INPP5D: variants seen among roughly 807,000 people sequenced by gnomAD.
INPP5D encodes inositol polyphosphate-5-phosphatase D.
INPP5D carries 33 observed loss-of-function variants against 122.9 expected under a neutral mutation model. The ratio of observed to expected loss-of-function variants is 0.27; its 90% CI spans 0.20 to 0.36. The LOEUF (loss-of-function observed/expected upper bound fraction) is 0.36. Ranked by LOEUF, INPP5D falls within the 10% of genes least tolerant of loss-of-function variation. The probability of loss-of-function intolerance (pLI) is 1.00; values close to 1 mark genes in which losing one functional copy is unlikely to be tolerated. For missense variants in INPP5D, 1,053 were observed against 1,412.7 expected (o/e 0.75, Z 4.08); for synonymous variants, 584 against 576.2 (o/e 1.01, Z -0.19).
intron 2 of INPP5D, among the ~76,000 whole-genome samples, chr2:233,086,181 C>CTTTCTTTCTTTT (rs1691841493): frequency 7.2e-6 from 1 of 138,786 alleles, no homozygotes; most frequent in Admixed American, 7.2e-5. Flanking sequence ...TTCTTTCTTT[C>CTTTCTTTCTTTT]TTTCTTTCCT....
intron 2 of INPP5D, among the ~76,000 whole-genome samples, chr2:233,095,643 A>G (rs1478928977): frequency 4.9e-4 from 70 of 143,928 alleles, no homozygotes; most frequent in African/African-American, 1.7e-3. Context: ...AAAAAAAAAA[A>G]CAACTCCTGG....
In INPP5D at chr2:233,204,370, C is replaced by T. The variant is rs773653216; in HGVS notation, c.3220C>T (p.Pro1074Ser). 2 of 1,610,212 alleles carry T rather than the reference C, an allele frequency of 1.2e-6. No homozygotes were observed. The highest frequency in any genetic ancestry group is 1.3e-5 in the African/African-American group (1 of 74,976). The change falls in exon 26 of 27, where the codon CCC becomes TCC. Residue 1074 changes from proline to serine, a missense_variant. Pro to Ser is a moderately conservative substitution (Grantham distance 74). Transcript: ENST00000445964. Reference protein sequence around the residue: ...KAQEADRGEGPGKQVPAPRLR... With the variant: ...KAQEADRGEGSGKQVPAPRLR... ...CCAGGAGGCTGATCGCGGCGAGGGG[C>T]CCGGCAAGCAGGTGCCCGCGCCCCG... is the stretch of plus-strand genomic sequence containing the variant.
At position 233,065,307 on chromosome 2, in the gene INPP5D, G is replaced by GTTT. The variant is rs376982879; in HGVS notation, c.134+4713_134+4715dup. 1.1e-3 allele frequency among the ~76,000 whole-genome samples: 134 copies of GTTT among 116,928 alleles called. 7 individuals carry two copies. The highest frequency in any genetic ancestry group is 1.3e-3 in the Non-Finnish European group (77 of 60,184). The allele number at this position is 116,928 out of a possible 152,430, so 76.7% of individuals were successfully genotyped here. ...CATGAACACAATCAGCACTTCTTGG[G>GTTT]TTTTTTTTTTTTTTTTTTTTGACAG... is the stretch of plus-strand genomic sequence containing the variant. On this transcript the variant is annotated intron_variant, in intron 1 of 26. Coordinates refer to ENST00000445964, the MANE Select transcript of INPP5D (RefSeq NM_001017915.3).
intron 2 of INPP5D, among the ~76,000 whole-genome samples, chr2:233,087,797 C>T (rs1691891426): frequency 6.6e-6 from 1 of 152,158 alleles, no homozygotes; most frequent in African/African-American, 2.4e-5. Flanking sequence ...TGATTTATCT[C>T]ACCCTTGCTG....
chr2:233,098,836 C>T (rs751957254), intron 2 of INPP5D, among the ~76,000 whole-genome samples: 2 of 152,300 alleles, frequency 1.3e-5, no homozygotes, highest in East Asian at 1.9e-4. Flanking sequence ...CACCAGGGGG[C>T]GCCCATTCAG....
At position 233,164,136 on chromosome 2, in the gene INPP5D, T is replaced by C. The variant is rs897841519; in HGVS notation, c.1438-171T>C. Among the ~76,000 whole-genome samples the C allele has an allele frequency of 1.3e-5, 2 of 152,184 alleles. No individual in the cohort carries two copies. Among genetic ancestry groups the C allele is most frequent in the East Asian group, 1.9e-4 (1 of 5,186 alleles). ...CTTGGTCAGCCCCGGTTCTCATCTT[T>C]AGGATGTTTTGTCTCGCCTATCAAG... On this transcript the variant is annotated intron_variant, in intron 12 of 26. Transcript: ENST00000445964. This position sits in a 1 kb window ranked among gnomAD's most constrained non-coding sequence, Gnocchi z 4.3.
At chr2:233,097,363 T>C (rs1692174220) in intron 2 of INPP5D, among the ~76,000 whole-genome samples, 1 of 152,254 alleles carries the variant, frequency 6.6e-6, no homozygotes, top group South Asian at 2.1e-4. Flanking sequence ...TCAAGTTCTC[T>C]GAAAAAATCC....
chr2:233,112,714 T>C (rs1343528427), intron 2 of INPP5D, among the ~76,000 whole-genome samples: 2 of 152,164 alleles, frequency 1.3e-5, no homozygotes, highest in African/African-American at 2.4e-5. Flanking sequence ...CTCTGTTGCC[T>C]AGGCTGGAGT....
At chr2:233,204,813 T>A in intron 26 of INPP5D, 96 bp downstream of exon 26, 1 of 1,405,422 alleles carries the variant, frequency 7.1e-7, no homozygotes, top group South Asian at 1.5e-5. Flanking sequence ...TGCATGTGTG[T>A]GTGCACGCAT....
intron 2 of INPP5D, among the ~76,000 whole-genome samples, chr2:233,121,751 C>A (rs1450173510): frequency 1.3e-5 from 2 of 151,996 alleles, no homozygotes; most frequent in Non-Finnish European, 2.9e-5. Flanking sequence ...GTCTCAAACT[C>A]CTGACCTCAG....
At chr2:233,070,688 G>T (rs976636098) in intron 1 of INPP5D, among the ~76,000 whole-genome samples, 1 of 151,974 alleles carries the variant, frequency 6.6e-6, no homozygotes, top group Non-Finnish European at 1.5e-5. Context: ...TGGTCCGCTC[G>T]CCTCGGCCTC....
chr2:233,204,036 C>T (rs1383729793), intron 25 of INPP5D, 90 bp from the exon 26 acceptor site: 2 of 1,430,740 alleles, frequency 1.4e-6, no homozygotes, highest in Non-Finnish European at 1.8e-6. Context: ...TTTGTATCAC[C>T]CCAAAGAAAG....
rs112010999 is a variant in INPP5D, at chr2:233,095,628, A to C, written c.198+16230A>C. Among the ~76,000 whole-genome samples, 18 of 14,868 alleles carry C rather than the reference A, an allele frequency of 1.2e-3. 1 individual carries two copies. The highest frequency in any genetic ancestry group is 3.5e-3 in the African/African-American group (13 of 3,714). The allele number at this position is 14,868 out of a possible 152,430, so 9.8% of individuals were successfully genotyped here. A position where few individuals can be genotyped will look rare whatever the true frequency, so the allele number is the denominator to read the frequency against. On this transcript the variant is annotated intron_variant, in intron 2 of 26. Transcript: ENST00000445964. Reference sequence around the variant, plus strand: ...TTGAAACTGTCTCAAAAAAAAAAAAAAAAAAAAAAAAAAAACAACTCCTGG... The same window carrying C: ...TTGAAACTGTCTCAAAAAAAAAAAACAAAAAAAAAAAAAAACAACTCCTGG...
intron 17 of INPP5D, among the ~76,000 whole-genome samples, chr2:233,176,276 G>T (rs13420200): frequency 0.024 from 3,562 of 147,120 alleles, 58 homozygotes; most frequent in African/African-American, 0.043. Context: ...TAAGTAGGTA[G>T]ACGGGTGTGT....
intron 6 of INPP5D, chr2:233,141,461 G>A (rs1367467116): frequency 6.6e-6 from 1 of 152,120 alleles, no homozygotes; most frequent in African/African-American, 2.4e-5. Context: ...CAGCTACTCA[G>A]GAGGCTGAGG....
intron 2 of INPP5D, among the ~76,000 whole-genome samples, chr2:233,121,121 C>CTTTTTTTTTTT (rs369587747): frequency 8.5e-6 from 1 of 117,648 alleles, no homozygotes; most frequent in African/African-American, 3.1e-5. Context: ...TTCTTTCTTT[C>CTTTTTTTTTTT]TTTTTTTTTT....
At chr2:233,064,597 G>A (rs1363405063) in intron 1 of INPP5D, among the ~76,000 whole-genome samples, 2 of 152,242 alleles carry the variant, frequency 1.3e-5, no homozygotes, top group Non-Finnish European at 2.9e-5. Context: ...TTACAGATGG[G>A]GAAACCGAGG....
rs1229317175 is a variant in INPP5D, at chr2:233,189,157, A to AC, written c.2359-688dup. 1.3e-5 allele frequency among the ~76,000 whole-genome samples: 2 copies of AC among 151,584 alleles called. No individual in the cohort carries two copies. The highest frequency in any genetic ancestry group is 2.9e-5 in the Non-Finnish European group (2 of 67,880). On this transcript the variant is annotated intron_variant, in intron 21 of 26. Transcript: ENST00000445964. This position sits in a 1 kb window ranked among gnomAD's most constrained non-coding sequence, Gnocchi z 5.6. ...TGCTGTGCAAAGCCTGTTAGCAGCC[A>AC]CCCCCGCTGCCAGCCAGGCCAGCAG...
At chr2:233,202,338 G>A (rs891834646) in intron 25 of INPP5D, among the ~76,000 whole-genome samples, 2 of 152,178 alleles carry the variant, frequency 1.3e-5, no homozygotes, top group Non-Finnish European at 2.9e-5. Flanking sequence ...AACATGGAGG[G>A]GGCCCTTTCC....
Sources: allele counts gnomAD v4.1 joint callset (sites outside exome capture counted in the v4.1 genomes callset), GRCh38; gene constraint gnomAD v4.1.1; non-coding constraint Gnocchi (gnomAD v3.1); transcripts MANE v1.5; gene names NCBI Gene and HGNC (gene_info 2026-07-23, HGNC 2026-07-21).